COMMD10: variants seen among roughly 807,000 people sequenced by gnomAD.
The protein encoded by COMMD10 is COMM domain-containing protein 10.
Under a neutral mutation model 28.9 loss-of-function variants are expected in COMMD10, and 33 were observed. That is an observed-to-expected ratio of 1.14 (90% CI 0.87 to 1.53). The LOEUF (loss-of-function observed/expected upper bound fraction) is 1.53. Ranked by LOEUF, COMMD10 falls within the 40% of genes most tolerant of loss-of-function variation. COMMD10 has a pLI of 0.00. For synonymous variants in COMMD10, 110 were observed against 81.7 expected, an observed-to-expected ratio of 1.35 and a Z score of -1.87; for missense variants, 310 against 233.4, an observed-to-expected ratio of 1.33 and a Z score of -2.14.
chr5:116,269,165 CCCA>C (rs1268780951), intron 5 of COMMD10, among the ~76,000 whole-genome samples: 1 of 151,892 alleles, frequency 6.6e-6, no homozygotes, highest in Non-Finnish European at 1.5e-5. Context: ...ATGAATTTTT[CCCA>C]CGTTTATGTT....
At position 116,193,591 on chromosome 5, in the gene COMMD10, T is replaced by C. The variant is rs1030072349; in HGVS notation, c.510+59413T>C. ...TAAAACAAAGAGGGACATTATGTAA[T>C]GGTAAAAGGCCTTGTCCAACAGGAA... is the stretch of plus-strand genomic sequence containing the variant. On this transcript the variant is annotated intron_variant, in intron 5 of 6. Coordinates refer to ENST00000274458, the MANE Select transcript of COMMD10 (RefSeq NM_016144.4). Among the ~76,000 whole-genome samples, 3 of 152,164 alleles carry C rather than the reference T, an allele frequency of 2.0e-5. No individual in the cohort carries two copies. The East Asian group carries it at 5.8e-4, about 29-fold the overall frequency.
At chr5:116,259,379 T>C (rs989093901) in intron 5 of COMMD10, among the ~76,000 whole-genome samples, 19 of 151,704 alleles carry the variant, frequency 1.3e-4, no homozygotes, top group African/African-American at 4.6e-4. Context: ...TTTCCATAAT[T>C]GTTTTTTTTT....
intron 5 of COMMD10, among the ~76,000 whole-genome samples, chr5:116,164,624 C>A (rs1169870287): frequency 6.6e-6 from 1 of 152,148 alleles, no homozygotes; most frequent in African/African-American, 2.4e-5. Context: ...TAAAAGCCAA[C>A]TTGTAGTTTA....
intron 5 of COMMD10, among the ~76,000 whole-genome samples, chr5:116,217,855 A>G (rs1483913502): frequency 6.6e-6 from 1 of 152,128 alleles, no homozygotes; most frequent in African/African-American, 2.4e-5. Context: ...CCTATTAGTG[A>G]CATATGCCCC....
chr5:116,161,422 C>A (rs115090077), intron 5 of COMMD10, among the ~76,000 whole-genome samples: 1,799 of 152,106 alleles, frequency 0.012, 35 homozygotes, highest in African/African-American at 0.04. Context: ...GGTGAAGTTA[C>A]AAGTGCAGTT....
At chr5:116,085,498 G>T (rs1750064296) in intron 1 of COMMD10, 1 of 212,854 alleles carries the variant, frequency 4.7e-6, no homozygotes, top group African/African-American at 2.3e-5. Context: ...AAAGGCTCAC[G>T]CTGCTGCTGG....
intron 5 of COMMD10, among the ~76,000 whole-genome samples, chr5:116,274,323 A>G (rs4244403): frequency 0.97 from 147,328 of 151,826 alleles, 71,740 homozygotes; most frequent in East Asian, 1. Flanking sequence ...CTTCTGTAAA[A>G]CACCAAATAG....
intron 4 of COMMD10, among the ~76,000 whole-genome samples, chr5:116,122,076 GTATTGCC>G (rs1751453669): frequency 6.6e-6 from 1 of 152,150 alleles, no homozygotes; most frequent in Non-Finnish European, 1.5e-5. Flanking sequence ...GTCCTGAATG[GTATTGCC>G]TAGGTTTTCT....
chr5:116,172,606 A>T (rs1753372285), intron 5 of COMMD10, among the ~76,000 whole-genome samples: 1 of 152,146 alleles, frequency 6.6e-6, no homozygotes. Flanking sequence ...TTTAGAAAAC[A>T]GAACTGAGTT....
At chr5:116,260,533 A>G (rs1170932545) in intron 5 of COMMD10, among the ~76,000 whole-genome samples, 2 of 151,846 alleles carry the variant, frequency 1.3e-5, no homozygotes, top group Non-Finnish European at 2.9e-5. Context: ...AACTTAACCA[A>G]TATTAAAGAA....
At chr5:116,199,650 A>C (rs966206225) in intron 5 of COMMD10, among the ~76,000 whole-genome samples, 1 of 151,902 alleles carries the variant, frequency 6.6e-6, no homozygotes, top group South Asian at 2.1e-4. Context: ...TGAGTTTCTG[A>C]CCTGTCTCCT....
intron 5 of COMMD10, among the ~76,000 whole-genome samples, chr5:116,179,616 A>T (rs941953276): frequency 1.3e-5 from 2 of 152,146 alleles, no homozygotes; most frequent in Non-Finnish European, 2.9e-5. Context: ...ATGAGAGTAG[A>T]AGGTATACAA....
In COMMD10 at chr5:116,293,048, C is replaced by T. The variant is rs1260568755; in HGVS notation, c.*559C>T. On this transcript the variant is annotated 3_prime_UTR_variant, in exon 7 of 7. Transcript: ENST00000274458. ...TCAGTTAATTCCAGTCTGAGCTTCT[C>T]TGTCAACTTCAGTTTCTCTCTCAGT... is the stretch of plus-strand genomic sequence containing the variant. The T allele has an allele frequency of 5.0e-6, 2 of 397,158 alleles. No homozygotes were observed. The highest frequency in any genetic ancestry group is 2.1e-5 in the African/African-American group (1 of 48,554). 24.6% of individuals were successfully genotyped at this position (397,158 alleles called of 1,614,324 possible).
intron 5 of COMMD10, chr5:116,218,132 C>G: frequency 8.2e-7 from 1 of 1,223,078 alleles, no homozygotes; most frequent in Non-Finnish European, 1.2e-6. Context: ...TCCCTTTCTC[C>G]CTTTGGGTAC....
chr5:116,130,141 T>G (rs1751817380), intron 4 of COMMD10, among the ~76,000 whole-genome samples: 1 of 151,852 alleles, frequency 6.6e-6, no homozygotes, highest in Non-Finnish European at 1.5e-5. Context: ...AAAAATTACT[T>G]TCCTTGTGCA....
At chr5:116,120,589 C>T (rs575745273) in intron 4 of COMMD10, among the ~76,000 whole-genome samples, 4 of 152,258 alleles carry the variant, frequency 2.6e-5, no homozygotes, top group Admixed American at 1.3e-4. Flanking sequence ...ACTGCCCTAA[C>T]CTAGCCCCAA....
rs775757089 is a variant in COMMD10 at position 116,085,067 on chromosome 5, G to A, written c.15G>A (p.Ala5=). 7 of 1,609,812 alleles carry A rather than the reference G, an allele frequency of 4.3e-6. No individual in the cohort carries two copies. The highest frequency in any genetic ancestry group is 1.1e-5 in the South Asian group (1 of 90,246). Residue 5 remains alanine (A), a synonymous_variant, in exon 1 of 7, where the codon GCG becomes GCA. Coordinates refer to ENST00000274458, the MANE Select transcript of COMMD10 (RefSeq NM_016144.4). ...GAAAGCCGAAGATGGCGGTCCCCGCGGCGCTGATCCTACGGGAGAGCCCCA... is the reference window on the plus strand; with the variant it reads ...GAAAGCCGAAGATGGCGGTCCCCGCAGCGCTGATCCTACGGGAGAGCCCCA... MAVP[A]ALILRESPSM... is the part of the protein sequence containing the mutation.
chr5:116,176,053 G>GA (rs111673458), intron 5 of COMMD10, among the ~76,000 whole-genome samples: 46,878 of 151,102 alleles, frequency 0.31, 10,130 homozygotes, highest in African/African-American at 0.62. Flanking sequence ...CCACAATTTA[G>GA]AAAAAAAAAT....
chr5:116,127,569 A>G (rs189699702), intron 4 of COMMD10, among the ~76,000 whole-genome samples: 47,929 of 151,838 alleles, frequency 0.32, 10,430 homozygotes, highest in African/African-American at 0.63. Flanking sequence ...AATGTGGCAC[A>G]TATACACCAT....
Sources: allele counts gnomAD v4.1 joint callset (sites outside exome capture counted in the v4.1 genomes callset), GRCh38; gene constraint gnomAD v4.1.1; transcripts MANE v1.5; gene names NCBI Gene and HGNC (gene_info 2026-07-23, HGNC 2026-07-21).